Variants in CCSER1 observed in about 807,000 individuals in gnomAD.
CCSER1 encodes serine-rich coiled-coil domain-containing protein 1.
A neutral mutation model predicts 82.0 loss-of-function variants in CCSER1; 41 were observed. The observed-to-expected ratio is 0.50, with a 90% CI of 0.39 to 0.65. The LOEUF (loss-of-function observed/expected upper bound fraction) is 0.65. Among genes scored for constraint, CCSER1 ranks in the 30% least tolerant of loss-of-function variants. The pLI, the probability that CCSER1 is intolerant of heterozygous loss-of-function variation, is 0.00. For synonymous variants in CCSER1, 414 were observed against 383.9 expected (o/e 1.08, Z -0.92); for missense variants, 1,119 against 1,064.2 (o/e 1.05, Z -0.72).
chr4:90,404,958 T>G (rs75927074), intron 4 of CCSER1, among the ~76,000 whole-genome samples: 1 of 152,054 alleles, frequency 6.6e-6, no homozygotes, highest in East Asian at 1.9e-4. Context: ...ACAATATTCT[T>G]TAACGTTCCC....
chr4:90,156,861 T>C (rs1376592600), intron 1 of CCSER1, among the ~76,000 whole-genome samples: 1 of 152,244 alleles, frequency 6.6e-6, no homozygotes, highest in African/African-American at 2.4e-5. Flanking sequence ...TTGGAACATT[T>C]AGTCCAGTTA....
At chr4:90,380,600 C>T (rs1749053453) in intron 3 of CCSER1, among the ~76,000 whole-genome samples, 2 of 152,018 alleles carry the variant, frequency 1.3e-5, no homozygotes, top group African/African-American at 4.8e-5. Context: ...TTATTTATTC[C>T]CTTATTCTTC....
intron 6 of CCSER1, among the ~76,000 whole-genome samples, chr4:90,657,534 C>A (rs1011726543): frequency 6.6e-6 from 1 of 152,054 alleles, no homozygotes; most frequent in African/African-American, 2.4e-5. Context: ...ACACCGTATA[C>A]CGTGTCATTA....
intron 6 of CCSER1, among the ~76,000 whole-genome samples, chr4:90,634,329 A>C (rs1385464154): frequency 1.3e-5 from 2 of 151,780 alleles, no homozygotes; most frequent in African/African-American, 4.8e-5. Context: ...AAGAGCTGGA[A>C]TCTATTTTTC....
At chr4:90,393,005 C>A (rs1318711943) in intron 3 of CCSER1, among the ~76,000 whole-genome samples, 1 of 152,178 alleles carries the variant, frequency 6.6e-6, no homozygotes, top group Non-Finnish European at 1.5e-5. Context: ...ATTGTTTTCT[C>A]TTCTCCACTG....
intron 10 of CCSER1, among the ~76,000 whole-genome samples, chr4:91,497,139 C>T (rs576189287): frequency 3.6e-4 from 55 of 151,464 alleles, no homozygotes; most frequent in African/African-American, 1.1e-3. Flanking sequence ...TTTCCATTTA[C>T]TCACTATTTG....
intron 7 of CCSER1, among the ~76,000 whole-genome samples, chr4:90,784,213 T>C (rs1196467473): frequency 2.0e-5 from 3 of 152,196 alleles, no homozygotes; most frequent in African/African-American, 4.8e-5. Flanking sequence ...GCCCATACTG[T>C]TCCTCGTTTC....
intron 10 of CCSER1, among the ~76,000 whole-genome samples, chr4:91,505,519 C>T (rs1251003641): frequency 6.6e-6 from 1 of 152,212 alleles, no homozygotes; most frequent in Non-Finnish European, 1.5e-5. Flanking sequence ...GGAATTACCA[C>T]ACTATCTTTC....
chr4:91,279,761 A>T (rs2149199975), intron 10 of CCSER1, among the ~76,000 whole-genome samples: 1 of 152,100 alleles, frequency 6.6e-6, no homozygotes, highest in South Asian at 2.1e-4. Flanking sequence ...CTTCATTGGA[A>T]TTGTTGCTTG....
At chr4:91,381,230 G>A (rs1489356208) in intron 10 of CCSER1, among the ~76,000 whole-genome samples, 1 of 151,984 alleles carries the variant, frequency 6.6e-6, no homozygotes, top group African/African-American at 2.4e-5. Flanking sequence ...GTGTCTTGGG[G>A]TTGCTCTTCT....
At chr4:91,160,159 C>T (rs568777290) in intron 10 of CCSER1, among the ~76,000 whole-genome samples, 6 of 151,630 alleles carry the variant, frequency 4.0e-5, no homozygotes, top group Admixed American at 6.6e-5. Flanking sequence ...GGTTTTCTGT[C>T]GTTGTGACAG....
intron 5 of CCSER1, among the ~76,000 whole-genome samples, chr4:90,539,054 C>G (rs1775773276): frequency 6.6e-6 from 1 of 151,934 alleles, no homozygotes; most frequent in Non-Finnish European, 1.5e-5. Context: ...TAATTTCTAT[C>G]ATAACTTTTT....
chr4:90,998,331 C>T (rs1406094942), intron 9 of CCSER1, among the ~76,000 whole-genome samples: 2 of 152,138 alleles, frequency 1.3e-5, no homozygotes, highest in African/African-American at 2.4e-5. Context: ...CCACCCTCCT[C>T]GGCCTCCCAA....
chr4:91,296,487 T>TATATATATA (rs1744193373), intron 10 of CCSER1, among the ~76,000 whole-genome samples: 1 of 107,098 alleles, frequency 9.3e-6, no homozygotes, highest in African/African-American at 4.9e-5. Context: ...ATATATATAT[T>TATATATATA]TTAATTAAAT....
intron 8 of CCSER1, among the ~76,000 whole-genome samples, chr4:90,820,293 G>T (rs1473211500): frequency 6.6e-6 from 1 of 152,114 alleles, no homozygotes; most frequent in African/African-American, 2.4e-5. Flanking sequence ...TCTGTTTTGT[G>T]CTGTTCTAAC....
intron 5 of CCSER1, among the ~76,000 whole-genome samples, chr4:90,587,240 A>G (rs1017801558): frequency 3.3e-5 from 5 of 152,242 alleles, no homozygotes; most frequent in African/African-American, 1.2e-4. Context: ...TCTGCTCTAC[A>G]GAACTGTAAG....
At chr4:91,174,789 A>C (rs1733133518) in intron 10 of CCSER1, among the ~76,000 whole-genome samples, 2 of 148,846 alleles carry the variant, frequency 1.3e-5, no homozygotes, top group East Asian at 3.9e-4. Flanking sequence ...AGCTCCTCCT[A>C]GGCCCCATGC....
chr4:91,194,273 A>C (rs978000217), intron 10 of CCSER1, among the ~76,000 whole-genome samples: 1 of 152,182 alleles, frequency 6.6e-6, no homozygotes, highest in African/African-American at 2.4e-5. Flanking sequence ...CTTATTTTAA[A>C]GTAATGTTGA....
intron 8 of CCSER1, among the ~76,000 whole-genome samples, chr4:90,820,559 G>T (rs534157768): frequency 6.6e-6 from 1 of 152,024 alleles, no homozygotes; most frequent in African/African-American, 2.4e-5. Context: ...AAGCCTTCAC[G>T]AGCTAAACAT....
Sources: allele counts gnomAD v4.1 joint callset (sites outside exome capture counted in the v4.1 genomes callset), GRCh38; gene constraint gnomAD v4.1.1; transcripts MANE v1.5; gene names NCBI Gene and HGNC (gene_info 2026-07-23, HGNC 2026-07-21).